The following DYNC2H1 variants were observed in gnomAD, a reference collection of about 807,000 sequenced individuals.
DYNC2H1 encodes the protein dynein cytoplasmic 2 heavy chain 1, also known as cytoplasmic dynein 2 heavy chain 1.
DYNC2H1 carries 410 observed loss-of-function variants against 570.0 expected under a neutral mutation model. The observed-to-expected ratio is 0.72, with a 90% CI of 0.66 to 0.78. The LOEUF (loss-of-function observed/expected upper bound fraction) is 0.78, where lower values mean the gene tolerates loss of function less well. DYNC2H1 is among the 30% of genes least tolerant of loss of function. DYNC2H1 has a pLI of 0.00. For synonymous variants in DYNC2H1, 1,688 were observed against 1,677.6 expected, an observed-to-expected ratio of 1.01 and a Z score of -0.15; for missense variants, 4,865 against 5,046.4, an observed-to-expected ratio of 0.96 and a Z score of 1.09.
chr11:103,336,933 C>T (rs1939164231), intron 82 of DYNC2H1, among the ~76,000 whole-genome samples: 1 of 152,042 alleles, frequency 6.6e-6, no homozygotes, highest in Non-Finnish European at 1.5e-5. Context: ...GGGAACAGGC[C>T]CCCAAATCTG....
At position 103,177,607 on chromosome 11, in the gene DYNC2H1, G is replaced by T; in HGVS notation, c.5926G>T (p.Val1976Phe). 1 of 1,613,312 alleles carries T rather than the reference G, an allele frequency of 6.2e-7. No individual in the cohort carries two copies. The highest frequency in any genetic ancestry group is 2.2e-5 in the East Asian group (1 of 44,820). ...ACAGTTATGCCAGAGGATGGGAGTT[G>T]TTATTGTTGGTCCAAGTGGTGCTGG... The part of the protein sequence containing the change: ...YEQLCQRMGV[V>F]IVGPSGAGKS... The change falls in exon 38 of 89, where the codon GTT (valine) becomes TTT (phenylalanine). Residue 1976 changes from valine (V) to phenylalanine (F), a missense_variant. Coordinates refer to ENST00000375735, the MANE Select transcript of DYNC2H1 (RefSeq NM_001377.3). This position sits in a 1 kb window ranked among gnomAD's most constrained non-coding sequence, Gnocchi z 4.4.
rs764890631 is a variant in DYNC2H1, at chr11:103,153,346, A to G, written c.3140A>G (p.Tyr1047Cys). Residue 1047 changes from tyrosine to cysteine, a missense_variant, in exon 22 of 89, where the codon TAT (tyrosine) becomes TGT (cysteine). Tyr to Cys is a radical substitution (Grantham distance 194). This residue lies in a region of DYNC2H1 where 1,936 missense variants were observed against 1,962.1 expected (regional missense o/e 0.99). Coordinates refer to ENST00000375735, the MANE Select transcript of DYNC2H1 (RefSeq NM_001377.3). ...AATGTGAAATCACGTCTTCAGATCT[A>G]TTATCAAGAACTGGAAAAATTTAAA... ...KGNVKSRLQIYYQELEKFKAR... is the reference protein window; with the variant it reads ...KGNVKSRLQICYQELEKFKAR... 1.9e-6 allele frequency: 3 copies of G among 1,545,728 alleles called. No homozygotes were observed. The highest frequency in any genetic ancestry group is 1.7e-6 in the Non-Finnish European group (2 of 1,145,474).
At chr11:103,226,345 G>A (rs1322622957) in intron 59 of DYNC2H1, among the ~76,000 whole-genome samples, 1 of 152,162 alleles carries the variant, frequency 6.6e-6, no homozygotes, top group African/African-American at 2.4e-5. Flanking sequence ...AATGTTGGCT[G>A]TGGGTTTGCC....
intron 75 of DYNC2H1, among the ~76,000 whole-genome samples, chr11:103,287,910 G>C (rs1866413440): frequency 1.3e-5 from 2 of 152,092 alleles, no homozygotes; most frequent in South Asian, 4.1e-4. Flanking sequence ...GGAGACCGGA[G>C]TTTTATTATT....
At chr11:103,273,723 T>C (rs1865797897) in intron 70 of DYNC2H1, among the ~76,000 whole-genome samples, 1 of 152,130 alleles carries the variant, frequency 6.6e-6, no homozygotes, top group Non-Finnish European at 1.5e-5. Context: ...CATTTCCAGC[T>C]TAGAAAATTA....
At chr11:103,445,868 G>A (rs2135780605) in intron 85 of DYNC2H1, among the ~76,000 whole-genome samples, 1 of 152,186 alleles carries the variant, frequency 6.6e-6, no homozygotes, top group African/African-American at 2.4e-5. Flanking sequence ...TAGCCAGGAT[G>A]GTCTCAATCT....
intron 75 of DYNC2H1, among the ~76,000 whole-genome samples, chr11:103,294,902 A>G (rs1173819383): frequency 6.6e-6 from 1 of 152,170 alleles, no homozygotes; most frequent in African/African-American, 2.4e-5. Context: ...TTTTCCTGTG[A>G]CTGGTCTTGT....
In DYNC2H1 at chr11:103,321,250, A is replaced by C; in HGVS notation, c.11934+13A>C. 1 of 1,584,322 alleles carries C rather than the reference A, an allele frequency of 6.3e-7. No homozygotes were observed. Among genetic ancestry groups the C allele is most frequent in the South Asian group, 1.1e-5 (1 of 87,928 alleles). ...CTGCAGCATTTTGGTAGGTAAAATG[A>C]ATGATTTTCAATCTATTTCCAGGTA... On this transcript the variant is annotated intron_variant, in intron 81 of 88. Transcript: ENST00000375735.
rs58016632 is a variant in DYNC2H1 at position 103,243,256 on chromosome 11, TATAG to T, written c.9820-389_9820-386del. Reference sequence around the variant, plus strand: ...TTATAGTTTTTATTCAAACAAAGAATATAGATAGATAGATAGATAGATAGATAGA... The same window carrying T: ...TTATAGTTTTTATTCAAACAAAGAATATAGATAGATAGATAGATAGATAGA... On this transcript the variant is annotated intron_variant, in intron 63 of 88. Transcript: ENST00000375735. This position sits in a 1 kb window ranked among gnomAD's most constrained non-coding sequence, Gnocchi z 4.8. 0.22 allele frequency among the ~76,000 whole-genome samples: 32,867 copies of T among 146,306 alleles called. 3,801 individuals carry two copies. The highest frequency in any genetic ancestry group is 0.33 in the Middle Eastern group (95 of 290).
chr11:103,467,509 CTGTTTTGTTT>C (rs6144488), intron 87 of DYNC2H1, among the ~76,000 whole-genome samples: 44,558 of 149,084 alleles, frequency 0.3, 6,963 homozygotes, highest in African/African-American at 0.35. Flanking sequence ...TTTGAAGGCA[CTGTTTTGTTT>C]TGTTTTGTTT....
chr11:103,293,322 CT>C (rs1866689405), intron 75 of DYNC2H1, among the ~76,000 whole-genome samples: 1 of 152,002 alleles, frequency 6.6e-6, no homozygotes, highest in Admixed American at 6.6e-5. Flanking sequence ...TTATTTGCTT[CT>C]TTTGTCTTGC....
chr11:103,226,435 A>G (rs974115965), intron 59 of DYNC2H1, among the ~76,000 whole-genome samples: 1 of 152,164 alleles, frequency 6.6e-6, no homozygotes. Flanking sequence ...GGGACACTGG[A>G]TTTTGTTAAA....
chr11:103,414,386 C>T (rs1709156), intron 84 of DYNC2H1, among the ~76,000 whole-genome samples: 47,859 of 148,524 alleles, frequency 0.32, 7,537 homozygotes, highest in South Asian at 0.37. Context: ...TTTGGGAGGC[C>T]GAGGCACATG....
At chr11:103,332,181 A>G (rs1040505026) in intron 82 of DYNC2H1, among the ~76,000 whole-genome samples, 3 of 151,358 alleles carry the variant, frequency 2.0e-5, no homozygotes, top group African/African-American at 7.4e-5. Flanking sequence ...AGAAATAAAA[A>G]GCAAAGTAAC....
chr11:103,159,040 A>T lies in DYNC2H1; in HGVS notation c.4378+13A>T, dbSNP rs1171323486. On this transcript the variant is annotated intron_variant, in intron 28 of 88. Coordinates refer to ENST00000375735, the MANE Select transcript of DYNC2H1 (RefSeq NM_001377.3). Reference sequence around the variant, plus strand: ...AAGCTTTTTGCTGGTAGGATTCAACATTTATTTAACAGATATTTATTGAGT... The same window carrying T: ...AAGCTTTTTGCTGGTAGGATTCAACTTTTATTTAACAGATATTTATTGAGT... 6.3e-7 allele frequency: 1 copy of T among 1,591,360 alleles called. No individual in the cohort carries two copies. Among genetic ancestry groups the T allele is most frequent in the African/African-American group, 1.3e-5 (1 of 74,418 alleles).
At chr11:103,390,398 C>T (rs7938128) in intron 83 of DYNC2H1, among the ~76,000 whole-genome samples, 4,616 of 149,792 alleles carry the variant, frequency 0.031, 235 homozygotes, top group African/African-American at 0.11. Flanking sequence ...TGTCTCTGCA[C>T]ATGAGATGGG....
At chr11:103,281,415 G>T (rs1219199467) in intron 71 of DYNC2H1, among the ~76,000 whole-genome samples, 1 of 151,906 alleles carries the variant, frequency 6.6e-6, no homozygotes, top group Admixed American at 6.6e-5. Flanking sequence ...TGGGAAAGGA[G>T]AACACTTTTC....
intron 85 of DYNC2H1, among the ~76,000 whole-genome samples, chr11:103,436,948 G>T (rs1215662678): frequency 6.6e-6 from 1 of 151,988 alleles, no homozygotes; most frequent in African/African-American, 2.4e-5. Flanking sequence ...CATTTAACTT[G>T]GATTAGTATC....
intron 18 of DYNC2H1, among the ~76,000 whole-genome samples, chr11:103,144,799 A>G (rs888927161): frequency 6.6e-6 from 1 of 152,188 alleles, no homozygotes; most frequent in Non-Finnish European, 1.5e-5. Flanking sequence ...GGAAACACAG[A>G]TATACGGTGG....
Sources: allele counts gnomAD v4.1 joint callset (sites outside exome capture counted in the v4.1 genomes callset), GRCh38; gene constraint gnomAD v4.1.1; regional missense constraint gnomAD v4.1.1; non-coding constraint Gnocchi (gnomAD v3.1); transcripts MANE v1.5; gene names NCBI Gene and HGNC (gene_info 2026-07-23, HGNC 2026-07-21).